FAF1: variants seen among roughly 807,000 people sequenced by gnomAD.
The protein encoded by FAF1 is Fas associated factor 1.
Under a neutral mutation model 92.5 loss-of-function variants are expected in FAF1, and 25 were observed. The ratio of observed to expected loss-of-function variants is 0.27; its 90% CI spans 0.20 to 0.38. The LOEUF (loss-of-function observed/expected upper bound fraction) is 0.38. Ranked by LOEUF, FAF1 falls within the 10% of genes least tolerant of loss-of-function variation. The pLI is 1.00. For synonymous variants in FAF1, 234 were observed against 273.2 expected, an observed-to-expected ratio of 0.86 and a Z score of 1.42; for missense variants, 636 against 793.3, an observed-to-expected ratio of 0.80 and a Z score of 2.38.
intron 1 of FAF1, among the ~76,000 whole-genome samples, chr1:50,886,191 G>A: frequency 6.6e-6 from 1 of 152,124 alleles, no homozygotes; most frequent in Non-Finnish European, 1.5e-5. Flanking sequence ...TTACCCTCAA[G>A]TGATATCTTA....
intron 9 of FAF1, among the ~76,000 whole-genome samples, chr1:50,594,559 A>C (rs557001117): frequency 1.4e-5 from 2 of 143,382 alleles, no homozygotes; most frequent in African/African-American, 5.2e-5. Context: ...ATATTTCCTT[A>C]TAATATTCTT....
chr1:50,624,719 G>C (rs1473259117), intron 8 of FAF1, among the ~76,000 whole-genome samples: 1 of 152,228 alleles, frequency 6.6e-6, no homozygotes, highest in African/African-American at 2.4e-5. Flanking sequence ...AATAAGAACA[G>C]CATTACCATA....
intron 18 of FAF1, among the ~76,000 whole-genome samples, chr1:50,463,038 A>G (rs1215915318): frequency 6.6e-6 from 1 of 152,226 alleles, no homozygotes; most frequent in African/African-American, 2.4e-5. Context: ...CAGAACTGAT[A>G]AGAGTAGCTC....
chr1:50,716,734 G>C (rs1236665373), intron 6 of FAF1, among the ~76,000 whole-genome samples: 1 of 152,182 alleles, frequency 6.6e-6, no homozygotes, highest in Non-Finnish European at 1.5e-5. Context: ...TCAGTGCTGT[G>C]TGCGTAGCTA....
At chr1:50,695,043 G>A (rs1245267928) in intron 7 of FAF1, among the ~76,000 whole-genome samples, 2 of 152,078 alleles carry the variant, frequency 1.3e-5, no homozygotes, top group Non-Finnish European at 2.9e-5. Context: ...AAGTCAATGT[G>A]TAAAACAAAA....
intron 8 of FAF1, chr1:50,606,771 T>C (rs1385088277): frequency 6.6e-6 from 1 of 152,336 alleles, no homozygotes; most frequent in Non-Finnish European, 1.5e-5. Flanking sequence ...AAAGTGCTGG[T>C]ATTACAGGCG....
intron 7 of FAF1, among the ~76,000 whole-genome samples, chr1:50,668,997 G>A (rs1315981936): frequency 6.6e-6 from 1 of 152,080 alleles, no homozygotes; most frequent in African/African-American, 2.4e-5. Flanking sequence ...ATATGGGAAA[G>A]GACATTAAAA....
intron 13 of FAF1, among the ~76,000 whole-genome samples, chr1:50,556,238 CAAAAAAAAAAAA>C (rs34420030): frequency 1.4e-5 from 1 of 73,804 alleles, no homozygotes; most frequent in Non-Finnish European, 2.5e-5. Flanking sequence ...ACTCCATCTC[CAAAAAAAAAAAA>C]AAAAAAAAAA....
chr1:50,838,570 TTA>T (rs934735416), intron 2 of FAF1, among the ~76,000 whole-genome samples: 3 of 148,050 alleles, frequency 2.0e-5, no homozygotes, highest in African/African-American at 4.9e-5. Flanking sequence ...TATATATATT[TTA>T]TATAATTATA....
chr1:50,682,913 A>G (rs1389523231), intron 7 of FAF1, among the ~76,000 whole-genome samples: 2 of 151,788 alleles, frequency 1.3e-5, no homozygotes, highest in African/African-American at 2.4e-5. Context: ...CCAAATGGTG[A>G]AACCCTGTCT....
rs550554320 is a variant in FAF1 at position 50,639,832 on chromosome 1, G to T, written c.744+15610C>A. Among the ~76,000 whole-genome samples, 340 of 151,162 alleles carry T rather than the reference G, an allele frequency of 2.2e-3. 2 individuals carry two copies. The highest frequency in any genetic ancestry group is 7.7e-3 in the African/African-American group (316 of 40,940). ...ACCTGTAGTCCCAGCTACTCAGGAGGCTGAGTCAGAAGAATCGCTTAAACC... is the reference window on the plus strand; with the variant it reads ...ACCTGTAGTCCCAGCTACTCAGGAGTCTGAGTCAGAAGAATCGCTTAAACC... On this transcript the variant is annotated intron_variant, in intron 8 of 18. Transcript: ENST00000396153.
At chr1:50,591,997 T>C (rs1289179458) in intron 9 of FAF1, among the ~76,000 whole-genome samples, 1 of 152,160 alleles carries the variant, frequency 6.6e-6, no homozygotes, top group African/African-American at 2.4e-5. Flanking sequence ...CAAATAACTA[T>C]TCTGTGTCTG....
intron 15 of FAF1, among the ~76,000 whole-genome samples, chr1:50,530,567 T>G (rs1264154214): frequency 6.6e-6 from 1 of 152,036 alleles, no homozygotes; most frequent in Non-Finnish European, 1.5e-5. Context: ...AGCCTACTAT[T>G]TGATAGCACA....
intron 4 of FAF1, among the ~76,000 whole-genome samples, chr1:50,757,271 C>T (rs1660113535): frequency 6.6e-6 from 1 of 152,128 alleles, no homozygotes; most frequent in Admixed American, 6.5e-5. Flanking sequence ...CTATGCTGTT[C>T]AGATTTTTTG....
At chr1:50,636,844 C>CTTAATAAATTTAAG (rs1654036858) in intron 8 of FAF1, among the ~76,000 whole-genome samples, 1 of 152,056 alleles carries the variant, frequency 6.6e-6, no homozygotes, top group South Asian at 2.1e-4. Context: ...TTTAAGTCAT[C>CTTAATAAATTTAAG]TCTGATCTAA....
intron 4 of FAF1, among the ~76,000 whole-genome samples, chr1:50,768,569 AAAAC>A (rs1045709923): frequency 8.5e-5 from 13 of 152,218 alleles, no homozygotes; most frequent in African/African-American, 2.7e-4. Context: ...AAAAAAAATA[AAAAC>A]AATAGCAATC....
At chr1:50,892,982 A>G (rs1644731550) in intron 1 of FAF1, among the ~76,000 whole-genome samples, 1 of 152,226 alleles carries the variant, frequency 6.6e-6, no homozygotes, top group Admixed American at 6.5e-5. Flanking sequence ...TAAAAGACTT[A>G]AAATGCATTC....
rs1314133722 is a variant in FAF1 at position 50,762,160 on chromosome 1, C to A, written c.368-17385G>T. Among the ~76,000 whole-genome samples, 4 of 152,118 alleles carry A rather than the reference C, an allele frequency of 2.6e-5. No individual in the cohort carries two copies. The East Asian group carries it at 7.7e-4, about 29-fold the overall frequency. ...ACGTGAAGGACCTCTTCAAGGAGAACTACAAACCACTGCTCAGTGAAATAA... is the reference window on the plus strand; with the variant it reads ...ACGTGAAGGACCTCTTCAAGGAGAAATACAAACCACTGCTCAGTGAAATAA... On this transcript the variant is annotated intron_variant, in intron 4 of 18. Transcript: ENST00000396153.
At chr1:50,797,324 C>A (rs2124586407) in intron 3 of FAF1, among the ~76,000 whole-genome samples, 1 of 152,276 alleles carries the variant, frequency 6.6e-6, no homozygotes, top group East Asian at 1.9e-4. Context: ...TATAATCTGA[C>A]CTTGCTATTC....
Sources: allele counts gnomAD v4.1 joint callset (sites outside exome capture counted in the v4.1 genomes callset), GRCh38; gene constraint gnomAD v4.1.1; transcripts MANE v1.5; gene names NCBI Gene and HGNC (gene_info 2026-07-23, HGNC 2026-07-21).